DHX37: variants seen among roughly 807,000 people sequenced by gnomAD.
DHX37 encodes probable ATP-dependent RNA helicase DHX37.
A neutral mutation model predicts 134.3 loss-of-function variants in DHX37; 52 were observed. The ratio of observed to expected loss-of-function variants is 0.39; its 90% CI spans 0.31 to 0.49. The LOEUF is 0.49. Ranked by LOEUF, DHX37 falls within the 20% of genes least tolerant of loss-of-function variation. The pLI, the probability that DHX37 is intolerant of heterozygous loss-of-function variation, is 0.93. For synonymous variants in DHX37, 634 were observed against 670.7 expected (o/e 0.95, Z 0.85); for missense variants, 1,344 against 1,580.8 (o/e 0.85, Z 2.54).
Position 124,954,087 on chromosome 12 carries a change from C to A in DHX37, c.2578G>T (p.Gly860Cys). Residue 860 changes from glycine to cysteine, a missense_variant and splice_region_variant, in exon 19 of 27, where the codon GGC becomes TGC. Physicochemically the swap from Gly to Cys is radical, Grantham distance 159 (BLOSUM62 -3). Transcript: ENST00000308736. ...LKLGDLMVLL[G>C]AVGACEYASC... ...ACCCTCCAACGGGCAGGGCACAAAC[C>A]CAGCAGCACCATGAGGTCGCCGAGC... 1.2e-6 allele frequency: 2 copies of A among 1,606,948 alleles called. No homozygotes were observed. Among genetic ancestry groups the A allele is most frequent in the Non-Finnish European group, 8.5e-7 (1 of 1,175,658 alleles).
At chr12:124,966,646 G>A in intron 12 of DHX37, 147 bp downstream of exon 12, 1 of 807,464 alleles carries the variant, frequency 1.2e-6, no homozygotes, top group Non-Finnish European at 2.0e-6. Context: ...TTACAGGCAT[G>A]AGCCACTGTG....
chr12:124,967,290 A>T, intron 10 of DHX37, 72 bp from the exon 11 acceptor site: 1 of 1,525,404 alleles, frequency 6.6e-7, no homozygotes, highest in Non-Finnish European at 8.9e-7. Context: ...AGCACCTGCC[A>T]AGCCATGCTC....
At chr12:124,986,433 T>C (rs1389006400) in intron 1 of DHX37, among the ~76,000 whole-genome samples, 168 bp from the exon 2 acceptor site, 2 of 152,036 alleles carry the variant, frequency 1.3e-5, no homozygotes, top group African/African-American at 4.8e-5. Context: ...TCTCAAGGCT[T>C]GGCGCAGGGG....
intron 2 of DHX37, 47 bp downstream of exon 2, chr12:124,986,049 C>G: frequency 6.2e-7 from 1 of 1,605,374 alleles, no homozygotes; most frequent in Non-Finnish European, 8.5e-7. Context: ...CCCCATCTCT[C>G]TCTATGCTGG....
chr12:124,965,096 G>A, intron 13 of DHX37, 90 bp from the exon 14 acceptor site: 1 of 1,402,366 alleles, frequency 7.1e-7, no homozygotes, highest in Non-Finnish European at 9.7e-7. Flanking sequence ...CCCCCAGGCT[G>A]CTCCACCAGA....
intron 12 of DHX37, among the ~76,000 whole-genome samples, chr12:124,966,435 C>T (rs73229573): frequency 0.089 from 13,542 of 152,252 alleles, 660 homozygotes; most frequent in South Asian, 0.11. Flanking sequence ...ACCATCACAG[C>T]TCATTGCAGC....
chr12:124,972,416 G>A, intron 7 of DHX37, 87 bp downstream of exon 7: 1 of 1,411,598 alleles, frequency 7.1e-7, no homozygotes, highest in Non-Finnish European at 1.0e-6. Context: ...CAGGTGGCTT[G>A]CCGGCTGCTC....
chr12:124,956,736 A>G lies in DHX37; in HGVS notation c.2408T>C (p.Ile803Thr), dbSNP rs1372681170. 1 of 1,601,826 alleles carries G rather than the reference A, an allele frequency of 6.2e-7. No homozygotes were observed. The highest frequency in any genetic ancestry group is 8.5e-7 in the Non-Finnish European group (1 of 1,170,886). ...CTCCCGCACCGTCATGCTGGCCACG[A>G]TGGTGATGGCATAGGGCAGGCAGCC... ...QHGCLPYAIT[I>T]VASMTVRELF... Residue 803 changes from isoleucine (I) to threonine (T), a missense_variant, in exon 18 of 27, where the codon ATC becomes ACC. By Grantham distance (89) the Ile-to-Thr change is moderately conservative. This residue lies in a region of DHX37 where 558 missense variants were observed against 650.0 expected (regional missense o/e 0.86). Coordinates refer to ENST00000308736, the MANE Select transcript of DHX37 (RefSeq NM_032656.4).
intron 2 of DHX37, among the ~76,000 whole-genome samples, chr12:124,984,270 C>T (rs1038715350): frequency 2.0e-5 from 3 of 152,190 alleles, no homozygotes; most frequent in Non-Finnish European, 4.4e-5. Flanking sequence ...CAGTGGCTCA[C>T]GCCTATAATC....
Position 124,988,973 on chromosome 12 carries a change from C to T in DHX37, c.50G>A (p.Gly17Asp). The T allele has an allele frequency of 7.4e-7, 1 of 1,355,390 alleles. No individual in the cohort carries two copies. The highest frequency in any genetic ancestry group is 2.2e-5 in the South Asian group (1 of 44,936). 84.0% of individuals were successfully genotyped at this position (1,355,390 alleles called of 1,614,324 possible). A position where few individuals can be genotyped will look rare whatever the true frequency, so the allele number is the denominator to read the frequency against. ...RYNIKGRQQA[G>D]PGPSKGPPEP... Reference sequence around the variant, plus strand: ...GGGGGGGCCCTTCGAGGGTCCGGGGCCCGCCTGCTGGCGCCCCTTGATGTT... The same window carrying T: ...GGGGGGGCCCTTCGAGGGTCCGGGGTCCGCCTGCTGGCGCCCCTTGATGTT... Residue 17 changes from glycine (G) to aspartate (D), a missense_variant, in exon 1 of 27, where the codon GGC becomes GAC. Physicochemically the swap from Gly to Asp is moderately conservative, Grantham distance 94. Transcript: ENST00000308736.
At chr12:124,956,640 C>T (rs1302368406) in intron 18 of DHX37, 51 bp downstream of exon 18, 2 of 1,481,866 alleles carry the variant, frequency 1.3e-6, no homozygotes, top group Non-Finnish European at 1.8e-6. Context: ...CAGCCCAGAG[C>T]CCCCGTCGGA....
At chr12:124,977,163 G>A (rs142380957) in intron 5 of DHX37, among the ~76,000 whole-genome samples, 179 bp downstream of exon 5, 5 of 152,350 alleles carry the variant, frequency 3.3e-5, no homozygotes, top group Admixed American at 6.5e-5. Flanking sequence ...TGAAGTAGGC[G>A]CTATTATTCC....
In DHX37 at chr12:124,980,626, G is replaced by C. The variant is rs767701245; in HGVS notation, c.602C>G (p.Pro201Arg). ...GGGCTGACTGCTGGGTGCTGGAGCT[G>C]GCGGCAGAGGTGCCACGGTGGTCCC... ...GVGTTVAPLP[P>R]APAPSSQPVP... is the part of the protein sequence containing the mutation. Residue 201 changes from proline (P) to arginine (R), a missense_variant, in exon 4 of 27, where the codon CCA (proline) becomes CGA (arginine). Pro to Arg is a moderately radical substitution (Grantham distance 103, BLOSUM62 -2). Coordinates refer to ENST00000308736, the MANE Select transcript of DHX37 (RefSeq NM_032656.4). This position sits in a 1 kb window ranked among gnomAD's most constrained non-coding sequence, Gnocchi z 5.3. 1.9e-6 allele frequency: 3 copies of C among 1,608,544 alleles called. No individual in the cohort carries two copies. The highest frequency in any genetic ancestry group is 2.5e-6 in the Non-Finnish European group (3 of 1,179,482).
At chr12:124,960,578 G>C (rs73229559) in intron 15 of DHX37, 155 bp from the exon 16 acceptor site, 1 of 829,884 alleles carries the variant, frequency 1.2e-6, no homozygotes, top group Non-Finnish European at 1.5e-6. Flanking sequence ...GTGCTTTACC[G>C]CTTCCTGCCT....
In DHX37 at chr12:124,949,921, C is replaced by T; in HGVS notation, c.3290+65G>A. ...TGTGTGGTGCTTTGTCCTGGCAGCCCCGGGGAGGTCATTCAGGCCTCGGAC... is the reference window on the plus strand; with the variant it reads ...TGTGTGGTGCTTTGTCCTGGCAGCCTCGGGGAGGTCATTCAGGCCTCGGAC... On this transcript the variant is annotated intron_variant, in intron 25 of 26. Coordinates refer to ENST00000308736, the MANE Select transcript of DHX37 (RefSeq NM_032656.4). The surrounding 1 kb of genome is among the most constrained non-coding windows in gnomAD (Gnocchi z 4.0). The T allele has an allele frequency of 6.6e-7, 1 of 1,510,734 alleles. No individual in the cohort carries two copies. Among genetic ancestry groups the T allele is most frequent in the Non-Finnish European group, 9.0e-7 (1 of 1,111,050 alleles). 93.6% of individuals were successfully genotyped at this position (1,510,734 alleles called of 1,614,324 possible).
intron 13 of DHX37, 50 bp downstream of exon 13, chr12:124,965,618 C>T (rs956573581): frequency 7.1e-6 from 11 of 1,542,946 alleles, no homozygotes; most frequent in Non-Finnish European, 7.9e-6. Context: ...TGGGCACATC[C>T]TCAGGGCAGA....
At chr12:124,970,162 C>T (rs145327689) in intron 8 of DHX37, among the ~76,000 whole-genome samples, 2,105 of 152,154 alleles carry the variant, frequency 0.014, 40 homozygotes, top group Non-Finnish European at 0.016. Flanking sequence ...TTAGTAGAGA[C>T]AGGGTTTCAC....
rs774867142 is a variant in DHX37, at chr12:124,967,104, G to C, written c.1504+19C>G. 2 of 1,612,872 alleles carry C rather than the reference G, an allele frequency of 1.2e-6. No homozygotes were observed. Among genetic ancestry groups the C allele is most frequent in the Non-Finnish European group, 1.7e-6 (2 of 1,179,656 alleles). On this transcript the variant is annotated intron_variant, in intron 11 of 26. Transcript: ENST00000308736. ...CCCAGCTGCTCAGGGCAGAGTGCTG[G>C]TCGGGGCGTCCTCTTTACCTTGTGG...
intron 8 of DHX37, among the ~76,000 whole-genome samples, chr12:124,969,457 G>A (rs141737677): frequency 2.0e-5 from 3 of 152,196 alleles, no homozygotes; most frequent in South Asian, 2.1e-4. Context: ...CTAAGGAGTG[G>A]CCAAAGCACC....
Sources: gnomAD v4.1 joint callset for allele counts (sites outside exome capture counted in the v4.1 genomes callset) on GRCh38, gnomAD v4.1.1 for gene constraint, gnomAD v4.1.1 regional missense constraint, Gnocchi (gnomAD v3.1) non-coding constraint, MANE v1.5 for transcripts, NCBI Gene and HGNC (gene_info 2026-07-23, HGNC 2026-07-21) for gene names.